The following KIF2A variants were observed in gnomAD, a reference collection of about 807,000 sequenced individuals.
KIF2A encodes kinesin family member 2A.
A neutral mutation model predicts 100.2 loss-of-function variants in KIF2A; 22 were observed. The ratio of observed to expected loss-of-function variants is 0.22; its 90% CI spans 0.16 to 0.31. The LOEUF is 0.31. Among genes scored for constraint, KIF2A ranks in the 10% least tolerant of loss-of-function variants. The pLI is 1.00. For missense variants in KIF2A, 495 were observed against 898.7 expected, an observed-to-expected ratio of 0.55 and a Z score of 5.74; for synonymous variants, 268 against 285.9, an observed-to-expected ratio of 0.94 and a Z score of 0.63.
chr5:62,343,813 T>G (rs1161094750), intron 1 of KIF2A, among the ~76,000 whole-genome samples: 1 of 152,186 alleles, frequency 6.6e-6, no homozygotes, highest in Non-Finnish European at 1.5e-5. Context: ...CAATGTCATT[T>G]TATTTTGTGA....
chr5:62,364,181 T>C (rs939197789), intron 14 of KIF2A, among the ~76,000 whole-genome samples: 2 of 151,750 alleles, frequency 1.3e-5, no homozygotes, highest in Non-Finnish European at 2.9e-5. Context: ...TGTGTCTTGC[T>C]CTTTCGCCCA....
Position 62,357,728 on chromosome 5 carries a change from G to T in KIF2A, c.692G>T (p.Arg231Leu). 1.3e-6 allele frequency: 2 copies of T among 1,560,768 alleles called. No individual in the cohort carries two copies. Among genetic ancestry groups the T allele is most frequent in the South Asian group, 2.3e-5 (2 of 88,426 alleles). ...EHRICVCVRK[R>L]PLNKKETQMK... ...AGGATATGTGTGTGTGTAAGAAAAC[G>T]ACCACTCAATAAAAAAGGTATGGCA... The change falls in exon 8 of 21, where the codon CGA becomes CTA. Residue 231 changes from arginine (R) to leucine (L), a missense_variant. Physicochemically the swap from Arg to Leu is moderately radical, Grantham distance 102 (BLOSUM62 -2). Around this residue, in one of 10 missense-constraint regions of KIF2A, gnomAD observed 109 missense variants for 244.2 expected, o/e 0.45. Coordinates refer to ENST00000407818, the MANE Select transcript of KIF2A (RefSeq NM_001098511.3).
chr5:62,347,089 A>G (rs1561265152), intron 1 of KIF2A, 41 bp from the exon 2 acceptor site: 1 of 1,119,350 alleles, frequency 8.9e-7, no homozygotes, highest in African/African-American at 1.6e-5. Flanking sequence ...GAATGCCATA[A>G]TTTGTGGCAT....
chr5:62,365,421 G>A (rs188190239), intron 15 of KIF2A, 68 bp downstream of exon 15: 644 of 776,990 alleles, frequency 8.3e-4, no homozygotes, highest in Middle Eastern at 4.9e-3. Context: ...AATATTTATG[G>A]AAAATGTATT....
intron 1 of KIF2A, among the ~76,000 whole-genome samples, chr5:62,320,132 TTAA>T (rs1322526464): frequency 6.6e-6 from 1 of 152,192 alleles, no homozygotes; most frequent in Non-Finnish European, 1.5e-5. Flanking sequence ...TGTAATTTAC[TTAA>T]TAATAATGAT....
At chr5:62,315,249 C>CAAAAAAAAAAAAAAAAAAAAAAAAAAAA (rs765995590) in intron 1 of KIF2A, among the ~76,000 whole-genome samples, 1 of 66,542 alleles carries the variant, frequency 1.5e-5, no homozygotes. Context: ...AAAAACAGAC[C>CAAAAAAAAAAAAAAAAAAAAAAAAAAAA]AAAAAAAAAA....
intron 1 of KIF2A, among the ~76,000 whole-genome samples, chr5:62,343,065 T>A (rs184632983): frequency 4.9e-4 from 74 of 152,222 alleles, no homozygotes; most frequent in African/African-American, 1.7e-3. Flanking sequence ...TCTGAAAGTT[T>A]TCTGTGCTCA....
At chr5:62,365,594 T>TTTTCTC (rs1043052267) in intron 15 of KIF2A, among the ~76,000 whole-genome samples, 1 of 151,966 alleles carries the variant, frequency 6.6e-6, no homozygotes, top group Non-Finnish European at 1.5e-5. Flanking sequence ...TTCTTTTTCT[T>TTTTCTC]TTTCTCTTTC....
chr5:62,331,635 G>A (rs1746654102), intron 1 of KIF2A, among the ~76,000 whole-genome samples: 1 of 151,956 alleles, frequency 6.6e-6, no homozygotes, highest in Non-Finnish European at 1.5e-5. Flanking sequence ...TTAAAAGTAT[G>A]AAGAGAAATT....
chr5:62,378,808 C>T (rs1741652109), intron 19 of KIF2A, among the ~76,000 whole-genome samples: 1 of 152,042 alleles, frequency 6.6e-6, no homozygotes, highest in Non-Finnish European at 1.5e-5. Flanking sequence ...GTCCCAGCTA[C>T]TCGGGAGGCT....
intron 19 of KIF2A, among the ~76,000 whole-genome samples, chr5:62,379,659 G>GAAAAAAAAAAAAA (rs34005703): frequency 7.5e-6 from 1 of 133,976 alleles, no homozygotes. Flanking sequence ...TGAAACTCAG[G>GAAAAAAAAAAAAA]AAAAAAAAAA....
chr5:62,337,592 G>A (rs1265902060), intron 1 of KIF2A, among the ~76,000 whole-genome samples: 2 of 152,124 alleles, frequency 1.3e-5, no homozygotes, highest in Non-Finnish European at 2.9e-5. Context: ...CAGCACTTTG[G>A]GAGGCTGATG....
At chr5:62,312,491 A>G (rs577640648) in intron 1 of KIF2A, among the ~76,000 whole-genome samples, 1 of 152,340 alleles carries the variant, frequency 6.6e-6, no homozygotes, top group South Asian at 2.1e-4. Context: ...CTTTAATTTT[A>G]ACACATCTGT....
At chr5:62,376,206 T>A (rs1205560581) in intron 18 of KIF2A, among the ~76,000 whole-genome samples, 4 of 152,058 alleles carry the variant, frequency 2.6e-5, no homozygotes, top group Admixed American at 2.6e-4. Context: ...ACATCATGAG[T>A]TTTTACAGCC....
intron 13 of KIF2A, 71 bp from the exon 14 acceptor site, chr5:62,363,624 T>A: frequency 7.5e-7 from 1 of 1,340,074 alleles, no homozygotes; most frequent in Non-Finnish European, 1.0e-6. Flanking sequence ...TTGTTTTTAA[T>A]GAAAATAATG....
intron 1 of KIF2A, among the ~76,000 whole-genome samples, chr5:62,323,189 G>T (rs1281433161): frequency 6.6e-6 from 1 of 151,294 alleles, no homozygotes; most frequent in African/African-American, 2.4e-5. Context: ...CCGTGAGGTG[G>T]AGGTTGCCGT....
chr5:62,318,628 T>G (rs1745949068), intron 1 of KIF2A, among the ~76,000 whole-genome samples: 2 of 152,164 alleles, frequency 1.3e-5, no homozygotes, highest in African/African-American at 2.4e-5. Context: ...AAGTAGAGCT[T>G]CTTTTCCTTC....
intron 19 of KIF2A, among the ~76,000 whole-genome samples, chr5:62,379,666 A>G (rs903782489): frequency 5.3e-5 from 8 of 152,024 alleles, no homozygotes; most frequent in African/African-American, 1.9e-4. Context: ...CAGGAAAAAA[A>G]AAAAAAAGGA....
intron 18 of KIF2A, among the ~76,000 whole-genome samples, chr5:62,376,555 G>T (rs1741557582): frequency 6.6e-6 from 1 of 152,010 alleles, no homozygotes; most frequent in African/African-American, 2.4e-5. Context: ...GAGTAGCTGG[G>T]ATTACAGGCG....
Sources: gnomAD v4.1 joint callset for allele counts (sites outside exome capture counted in the v4.1 genomes callset) on GRCh38, gnomAD v4.1.1 for gene constraint, gnomAD v4.1.1 regional missense constraint, MANE v1.5 for transcripts, NCBI Gene and HGNC (gene_info 2026-07-23, HGNC 2026-07-21) for gene names.